DENND1B: variants seen among roughly 807,000 people sequenced by gnomAD.
DENND1B encodes DENN domain containing 1B.
In DENND1B, 59 loss-of-function variants were observed where a neutral mutation model predicts 90.1. The ratio of observed to expected loss-of-function variants is 0.65; its 90% confidence interval spans 0.53 to 0.81. The LOEUF (loss-of-function observed/expected upper bound fraction) is 0.81. DENND1B is among the 40% of genes least tolerant of loss of function. The pLI, the probability that DENND1B is intolerant of heterozygous loss-of-function variation, is 0.00. For missense variants in DENND1B, 862 were observed against 912.6 expected, an observed-to-expected ratio of 0.94 and a Z score of 0.71; for synonymous variants, 337 against 324.6, an observed-to-expected ratio of 1.04 and a Z score of -0.41.
chr1:197,618,562 A>G (rs1159760866), intron 10 of DENND1B, among the ~76,000 whole-genome samples: 1 of 151,194 alleles, frequency 6.6e-6, no homozygotes, highest in Non-Finnish European at 1.5e-5. Flanking sequence ...ACTTAACAAA[A>G]GGATATCACT....
intron 2 of DENND1B, among the ~76,000 whole-genome samples, chr1:197,769,754 A>G (rs1054465211): frequency 6.6e-6 from 1 of 152,194 alleles, no homozygotes; most frequent in African/African-American, 2.4e-5. Flanking sequence ...ATTTAATGTT[A>G]GCAAAAAAAA....
intron 15 of DENND1B, among the ~76,000 whole-genome samples, chr1:197,581,639 G>A (rs1201769202): frequency 9.9e-5 from 15 of 152,106 alleles, no homozygotes; most frequent in Non-Finnish European, 1.3e-4. Context: ...CAGTCAAAAT[G>A]CAACCCAACT....
chr1:197,709,842 T>C (rs934442890), intron 3 of DENND1B, among the ~76,000 whole-genome samples: 1 of 141,370 alleles, frequency 7.1e-6, no homozygotes, highest in African/African-American at 2.8e-5. Context: ...CCATCTCACG[T>C]GCAGAGACAC....
chr1:197,756,082 C>A (rs1307732083), intron 2 of DENND1B, among the ~76,000 whole-genome samples: 1 of 152,134 alleles, frequency 6.6e-6, no homozygotes, highest in African/African-American at 2.4e-5. Context: ...ATCTTTTTCA[C>A]CAATGGCATC....
chr1:197,693,252 T>A (rs1442491994), intron 3 of DENND1B, among the ~76,000 whole-genome samples: 1 of 151,700 alleles, frequency 6.6e-6, no homozygotes, highest in Non-Finnish European at 1.5e-5. Flanking sequence ...GCTGCAATAT[T>A]GTCACTTATC....
chr1:197,523,429 C>T (rs774577769), intron 20 of DENND1B, among the ~76,000 whole-genome samples: 1 of 152,084 alleles, frequency 6.6e-6, no homozygotes, highest in Non-Finnish European at 1.5e-5. Flanking sequence ...AAGAAAGTCC[C>T]ACTCCTAAGG....
intron 10 of DENND1B, among the ~76,000 whole-genome samples, chr1:197,629,680 TAATAAAATAA>T (rs956815686): frequency 6.6e-6 from 1 of 151,420 alleles, no homozygotes; most frequent in Non-Finnish European, 1.5e-5. Flanking sequence ...AGTATAATAA[TAATAAAATAA>T]AATAAAATAA....
intron 10 of DENND1B, among the ~76,000 whole-genome samples, chr1:197,629,509 A>G (rs1384268670): frequency 1.6e-5 from 2 of 124,400 alleles, no homozygotes; most frequent in African/African-American, 3.1e-5. Context: ...GGGGAACATC[A>G]CACTCTGGGG....
At chr1:197,662,575 A>C (rs2125964088) in intron 5 of DENND1B, among the ~76,000 whole-genome samples, 1 of 152,150 alleles carries the variant, frequency 6.6e-6, no homozygotes. Flanking sequence ...TTTTTTAAAA[A>C]ATATATACTT....
chr1:197,703,974 G>T (rs928063161), intron 3 of DENND1B, among the ~76,000 whole-genome samples: 8 of 152,078 alleles, frequency 5.3e-5, no homozygotes, highest in African/African-American at 1.7e-4. Context: ...TTTTTGGTCA[G>T]ACTCATGCCT....
At chr1:197,519,012 T>TTCACAAGTTAA (rs1338636677) in intron 20 of DENND1B, among the ~76,000 whole-genome samples, 3 of 151,946 alleles carry the variant, frequency 2.0e-5, no homozygotes, top group African/African-American at 7.2e-5. Context: ...AGAAATTAAC[T>TTCACAAGTTAA]TGTGAAAGAC....
At chr1:197,522,507 C>T (rs1416483180) in intron 20 of DENND1B, among the ~76,000 whole-genome samples, 1 of 152,102 alleles carries the variant, frequency 6.6e-6, no homozygotes, top group Non-Finnish European at 1.5e-5. Flanking sequence ...TACCACTCAA[C>T]TGTCATCTGA....
At chr1:197,639,125 G>A (rs564731699) in intron 10 of DENND1B, among the ~76,000 whole-genome samples, 23 of 150,708 alleles carry the variant, frequency 1.5e-4, no homozygotes, top group Non-Finnish European at 2.7e-4. Context: ...GTGCAATGGC[G>A]TGATCTCGGT....
chr1:197,539,373 TG>T (rs1187803913), intron 20 of DENND1B, among the ~76,000 whole-genome samples: 7 of 152,192 alleles, frequency 4.6e-5, no homozygotes. Context: ...GATACAATTT[TG>T]TATATACCAA....
At chr1:197,612,076 T>C (rs1373429419) in intron 11 of DENND1B, 100 bp from the exon 12 acceptor site, 5 of 937,160 alleles carry the variant, frequency 5.3e-6, no homozygotes, top group African/African-American at 1.7e-5. Flanking sequence ...ATGTATTAAA[T>C]GCTCAGTTCC....
At chr1:197,657,578 A>C (rs2253257) in intron 6 of DENND1B, among the ~76,000 whole-genome samples, 122,593 of 152,110 alleles carry the variant, frequency 0.81, 49,496 homozygotes, top group Middle Eastern at 0.87. Flanking sequence ...AGAAAAGAAA[A>C]GAAAAGAGCG....
chr1:197,546,584 CGTAAA>C (rs2125671957), intron 17 of DENND1B, 144 bp downstream of exon 17: 1 of 737,190 alleles, frequency 1.4e-6, no homozygotes, highest in East Asian at 3.3e-5. Flanking sequence ...AAACTATAAA[CGTAAA>C]ATAAGAATAT....
intron 20 of DENND1B, among the ~76,000 whole-genome samples, chr1:197,516,572 G>C (rs926069319): frequency 6.6e-6 from 1 of 151,686 alleles, no homozygotes; most frequent in African/African-American, 2.4e-5. Flanking sequence ...TGCTTTCAGG[G>C]GAAATAAAGG....
rs970361621 is a variant in DENND1B at position 197,770,220 on chromosome 1, C to A, written c.82+2648G>T. Among the ~76,000 whole-genome samples the A allele has an allele frequency of 3.9e-5, 6 of 152,046 alleles. 1 individual carries two copies. In the South Asian group the frequency reaches 1.2e-3, roughly 31 times the overall value. On this transcript the variant is annotated intron_variant, in intron 2 of 22. Transcript: ENST00000620048. ...GGATTATTTGCAACCTACAAAGAAGCCAACATTATTTACTTTAACCATTTA... is the reference window on the plus strand; with the variant it reads ...GGATTATTTGCAACCTACAAAGAAGACAACATTATTTACTTTAACCATTTA...
Sources: gnomAD v4.1 joint callset for allele counts (sites outside exome capture counted in the v4.1 genomes callset) on GRCh38, gnomAD v4.1.1 for gene constraint, MANE v1.5 for transcripts, NCBI Gene and HGNC (gene_info 2026-07-23, HGNC 2026-07-21) for gene names.